The following GGT1 variants were observed in gnomAD, a reference collection of about 807,000 sequenced individuals.
GGT1 encodes glutathione hydrolase 1 proenzyme.
A neutral mutation model predicts 56.0 loss-of-function variants in GGT1; 21 were observed. The ratio of observed to expected loss-of-function variants is 0.38; its 90% confidence interval spans 0.27 to 0.54. The LOEUF (loss-of-function observed/expected upper bound fraction) is 0.54, where lower values mean the gene tolerates loss of function less well. Ranked by LOEUF, GGT1 falls within the 20% of genes least tolerant of loss-of-function variation. The probability of loss-of-function intolerance (pLI) is 0.82; values close to 1 mark genes in which losing one functional copy is unlikely to be tolerated. For synonymous variants in GGT1, 238 were observed against 342.6 expected (o/e 0.69, Z 3.37); for missense variants, 466 against 787.0 (o/e 0.59, Z 4.88).
chr22:24,627,591 G>A lies in GGT1; in HGVS notation c.1180G>A (p.Val394Met). 1 of 1,609,742 alleles carries A rather than the reference G, an allele frequency of 6.2e-7. No homozygotes were observed. The change falls in exon 12 of 16, where the codon GTG (valine) becomes ATG (methionine). Residue 394 changes from valine (V) to methionine (M), a missense_variant. By Grantham distance (21) the Val-to-Met change is conservative. Transcript: ENST00000400382. Reference sequence around the variant, plus strand: ...TGTCGTCGCAGAGGACGGCAGTGCTGTGTCCGCCACCAGCACCATCAACCT... The same window carrying A: ...TGTCGTCGCAGAGGACGGCAGTGCTATGTCCGCCACCAGCACCATCAACCT... ...LSVVAEDGSA[V>M]SATSTINLYF...
chr22:24,604,133 G>T (rs1210148243), intron 1 of GGT1, among the ~76,000 whole-genome samples: 1 of 145,982 alleles, frequency 6.9e-6, no homozygotes, highest in Non-Finnish European at 1.5e-5. Context: ...TGGGGAAGAC[G>T]CCAGAGATCT....
the GGT1 span, chr22:24,588,554 C>T: frequency 1.3e-6 from 1 of 778,384 alleles, no homozygotes; most frequent in Non-Finnish European, 1.9e-6. Flanking sequence ...CTGGTCCAGT[C>T]CCGCAGTGCC....
intron 1 of GGT1, among the ~76,000 whole-genome samples, chr22:24,606,012 CATATATTATATTTATATAATTT>C (rs2046283497): frequency 4.1e-5 from 1 of 24,180 alleles, no homozygotes; most frequent in Non-Finnish European, 7.0e-5. Flanking sequence ...TATAATATAT[CATATATTATATTTATATAATTT>C]ATATAATATA....
upstream of GGT1, among the ~76,000 whole-genome samples, chr22:24,600,095 G>A (rs2045759094): frequency 6.6e-6 from 1 of 152,216 alleles, no homozygotes; most frequent in Non-Finnish European, 1.5e-5. Flanking sequence ...ACCTGTGGAG[G>A]GTGCCTTGGG....
At chr22:24,586,275 G>A in the GGT1 span, 1 of 1,613,894 alleles carries the variant, frequency 6.2e-7, no homozygotes, top group Non-Finnish European at 8.5e-7. Context: ...GTGAAGCTCA[G>A]GTCCAGCACC....
chr22:24,619,063 C>T (rs2047245695), intron 7 of GGT1, among the ~76,000 whole-genome samples: 1 of 151,964 alleles, frequency 6.6e-6, no homozygotes, highest in Non-Finnish European at 1.5e-5. Context: ...TGAGACCAGT[C>T]TTGGCAACGT....
At chr22:24,588,518 A>C in the GGT1 span, 2 of 751,916 alleles carry the variant, frequency 2.7e-6, no homozygotes, top group Non-Finnish European at 4.2e-6. Flanking sequence ...GAGCCAGGGG[A>C]GGCTGCCCTC....
At chr22:24,586,452 G>A in the GGT1 span, 18 of 1,575,180 alleles carry the variant, frequency 1.1e-5, no homozygotes, top group African/African-American at 2.4e-4. Context: ...AGGCAACCAG[G>A]CAGTCCCCCC....
In GGT1 at chr22:24,628,901, A is replaced by T; in HGVS notation, c.*62A>T. The T allele has an allele frequency of 1.3e-6, 2 of 1,596,224 alleles. No individual in the cohort carries two copies. Among genetic ancestry groups the T allele is most frequent in the Admixed American group, 3.5e-5 (2 of 57,162 alleles). ...GACAAGATACTCACCAGGACCAGGAAGGGGACTCTGGGGGACCGGCTTCCC... is the reference window on the plus strand; with the variant it reads ...GACAAGATACTCACCAGGACCAGGATGGGGACTCTGGGGGACCGGCTTCCC... On this transcript the variant is annotated 3_prime_UTR_variant, in exon 16 of 16. Coordinates refer to ENST00000400382, the MANE Select transcript of GGT1 (RefSeq NM_001288833.2). This position sits in a 1 kb window ranked among gnomAD's most constrained non-coding sequence, Gnocchi z 5.7.
chr22:24,620,901 C>T lies in GGT1; in HGVS notation c.576-12C>T, dbSNP rs1490498545. On this transcript the variant is annotated splice_polypyrimidine_tract_variant and intron_variant, in intron 8 of 15. Coordinates refer to ENST00000400382, the MANE Select transcript of GGT1 (RefSeq NM_001288833.2). The surrounding 1 kb of genome is among the most constrained non-coding windows in gnomAD (Gnocchi z 5.6). The stretch of plus-strand genomic sequence containing the variant: ...CCCACCTGCTGCCTCACATGAGCCC[C>T]CTCTGCCCCAGTGAGGTGTTCTGCC... 2.5e-6 allele frequency: 4 copies of T among 1,611,570 alleles called. No individual in the cohort carries two copies. The highest frequency in any genetic ancestry group is 3.4e-6 in the Non-Finnish European group (4 of 1,179,722).
At chr22:24,619,878 C>T (rs1193212561) in intron 7 of GGT1, among the ~76,000 whole-genome samples, 9 of 150,986 alleles carry the variant, frequency 6.0e-5, no homozygotes, top group Admixed American at 3.3e-4. Flanking sequence ...CCTGCACAGA[C>T]AGACACCTCA....
chr22:24,584,484 C>T, the GGT1 span, among the ~76,000 whole-genome samples: 1 of 152,176 alleles, frequency 6.6e-6, no homozygotes, highest in East Asian at 1.9e-4. Context: ...CTGTCCTCAC[C>T]CTCCTTGGCC....
upstream of GGT1, among the ~76,000 whole-genome samples, chr22:24,601,045 T>C (rs1188053575): frequency 2.6e-5 from 4 of 152,188 alleles, no homozygotes; most frequent in Non-Finnish European, 5.9e-5. Context: ...ATGTTTGGAT[T>C]TGAAGTCAGT....
At chr22:24,584,727 C>G in the GGT1 span, among the ~76,000 whole-genome samples, 1 of 151,992 alleles carries the variant, frequency 6.6e-6, no homozygotes, top group South Asian at 2.1e-4. Context: ...GGCCCCACTG[C>G]CCCCAGACCT....
chr22:24,588,354 G>T, the GGT1 span: 2 of 1,572,040 alleles, frequency 1.3e-6, no homozygotes, highest in Admixed American at 3.4e-5. Flanking sequence ...TGTCACCATG[G>T]TGAATCTGAG....
intron 5 of GGT1, among the ~76,000 whole-genome samples, chr22:24,613,911 G>T (rs1047793417): frequency 1.1e-4 from 16 of 151,432 alleles, no homozygotes; most frequent in Non-Finnish European, 1.9e-4. Flanking sequence ...ATTGCCAGGT[G>T]TGGTGGTTCT....
chr22:24,586,475 C>CAGTG, the GGT1 span: 3 of 1,528,880 alleles, frequency 2.0e-6, no homozygotes, highest in Non-Finnish European at 2.7e-6. Flanking sequence ...TGACCACAGA[C>CAGTG]AGTGACCTGT....
At chr22:24,594,842 G>A (rs941912663) in exon 1 of GGT1, 3 of 152,032 alleles carry the variant, frequency 2.0e-5, no homozygotes, top group East Asian at 1.9e-4. Context: ...CAGCTCTGAT[G>A]CCCCAGGGAC....
the GGT1 span, chr22:24,589,806 G>A: frequency 6.2e-7 from 1 of 1,607,076 alleles, no homozygotes; most frequent in Non-Finnish European, 8.5e-7. Flanking sequence ...CAGGGCCCGT[G>A]CCTGCCAGCC....
Sources: allele counts gnomAD v4.1 joint callset (sites outside exome capture counted in the v4.1 genomes callset), GRCh38; gene constraint gnomAD v4.1.1; non-coding constraint Gnocchi (gnomAD v3.1); transcripts MANE v1.5; gene names NCBI Gene and HGNC (gene_info 2026-07-23, HGNC 2026-07-21).